Variants in VPS33A observed in about 807,000 individuals in gnomAD.
VPS33A encodes vacuolar protein sorting-associated protein 33A.
Under a neutral mutation model 71.8 loss-of-function variants are expected in VPS33A, and 32 were observed. The observed-to-expected ratio is 0.45, with a 90% CI of 0.34 to 0.60. The LOEUF is 0.60. VPS33A is among the 20% of genes least tolerant of loss of function. The probability of loss-of-function intolerance (pLI) is 0.02; values close to 1 mark genes in which losing one functional copy is unlikely to be tolerated. For missense variants in VPS33A, 625 were observed against 748.5 expected, an observed-to-expected ratio of 0.84 and a Z score of 1.92; for synonymous variants, 311 against 292.7, an observed-to-expected ratio of 1.06 and a Z score of -0.64.
At chr12:122,250,122 ACAAT>A (rs1355528932) in intron 5 of VPS33A, 77 bp from the exon 6 acceptor site, 20 of 1,418,782 alleles carry the variant, frequency 1.4e-5, no homozygotes, top group African/African-American at 2.9e-5. Flanking sequence ...AACCAGAAAG[ACAAT>A]CAAAAAAGTA....
At chr12:122,255,598 G>A (rs918819298) in intron 4 of VPS33A, among the ~76,000 whole-genome samples, 22 of 151,448 alleles carry the variant, frequency 1.5e-4, no homozygotes, top group East Asian at 1.2e-3. Flanking sequence ...CCAACTACTC[G>A]GGAGGCTGAG....
intron 11 of VPS33A, among the ~76,000 whole-genome samples, chr12:122,234,749 G>T (rs987809736): frequency 3.9e-5 from 6 of 152,080 alleles, no homozygotes; most frequent in African/African-American, 1.5e-4. Flanking sequence ...CAAAGCACCA[G>T]AGTGAACTGG....
At chr12:122,256,475 A>G (rs1954920502) in intron 4 of VPS33A, among the ~76,000 whole-genome samples, 1 of 151,968 alleles carries the variant, frequency 6.6e-6, no homozygotes, top group Non-Finnish European at 1.5e-5. Context: ...TCGGATAGCT[A>G]AGACGGGAGA....
chr12:122,230,822 G>C lies in VPS33A; in HGVS notation c.*1424C>G, dbSNP rs952812725. On this transcript the variant is annotated 3_prime_UTR_variant, in exon 13 of 13. Transcript: ENST00000267199. ...GGAGCAGAGGGGCAGAGAACACACG[G>C]ATTTTCAACTTCTCCTCCAACACCC... The C allele has an allele frequency of 6.6e-6, 1 of 152,168 alleles. No homozygotes were observed. Among genetic ancestry groups the C allele is most frequent in the Non-Finnish European group, 1.5e-5 (1 of 68,048 alleles). The allele number at this position is 152,168 out of a possible 1,614,324, so 9.4% of individuals were successfully genotyped here.
At chr12:122,252,191 A>G (rs1473752022) in intron 4 of VPS33A, among the ~76,000 whole-genome samples, 2 of 152,142 alleles carry the variant, frequency 1.3e-5, no homozygotes, top group East Asian at 3.9e-4. Flanking sequence ...CAGGGATTTG[A>G]GGCTGCAATG....
Position 122,263,352 on chromosome 12 carries a change from T to C in VPS33A, c.296+220A>G, listed in dbSNP as rs141997539. Among the ~76,000 whole-genome samples the C allele has an allele frequency of 2.9e-3, 440 of 152,294 alleles. 1 individual carries two copies. Among genetic ancestry groups the C allele is most frequent in the African/African-American group, 0.01 (423 of 41,576 alleles). ...TAACTATAGTCACCCTGTTGTGCTA[T>C]CAAATAGTAGGTCTTATTCTATTTT... On this transcript the variant is annotated intron_variant, in intron 3 of 12. Transcript: ENST00000267199.
chr12:122,257,061 T>A (rs1375852439), intron 4 of VPS33A, among the ~76,000 whole-genome samples: 1 of 151,894 alleles, frequency 6.6e-6, no homozygotes, highest in East Asian at 1.9e-4. Flanking sequence ...GCATATAATA[T>A]CCCCCCACCC....
At chr12:122,265,626 C>T (rs894070752) in intron 1 of VPS33A, 1 of 386,562 alleles carries the variant, frequency 2.6e-6, no homozygotes, top group African/African-American at 2.1e-5. Flanking sequence ...GCTGCTAGCA[C>T]CCACTTTACC....
rs748828865 is a variant in VPS33A, at chr12:122,232,218, T to C, written c.*28A>G. 1.9e-6 allele frequency: 3 copies of C among 1,588,498 alleles called. No individual in the cohort carries two copies. The East Asian group carries it at 6.7e-5, about 36-fold the overall frequency. On this transcript the variant is annotated 3_prime_UTR_variant, in exon 13 of 13. Transcript: ENST00000267199. ...TTCAAAGAGGTAGTTTATTCTGCAG[T>C]ACACTTGTTAAGTCTCCTCTGAACA...
intron 9 of VPS33A, 46 bp from the exon 10 acceptor site, chr12:122,238,770 T>TACACACACACACACACACACACACACAC (rs57522920): frequency 1.2e-6 from 1 of 830,582 alleles, no homozygotes; most frequent in African/African-American, 2.0e-5. Flanking sequence ...TACATATACA[T>TACACACACACACACACACACACACACAC]ACACACACAC....
rs923873464 is a variant in VPS33A at position 122,249,609 on chromosome 12, C to A, written c.775+262G>T. On this transcript the variant is annotated intron_variant, in intron 6 of 12. Coordinates refer to ENST00000267199, the MANE Select transcript of VPS33A (RefSeq NM_022916.6). Reference sequence around the variant, plus strand: ...GAAAATGGAAATCGAAATTCTTATGCAAACCTCACTGATCCTCTTTTTTGG... The same window carrying A: ...GAAAATGGAAATCGAAATTCTTATGAAAACCTCACTGATCCTCTTTTTTGG... 2.1e-4 allele frequency: 61 copies of A among 285,888 alleles called. 1 individual carries two copies. The highest frequency in any genetic ancestry group is 1.2e-3 in the African/African-American group (57 of 46,034). The allele number at this position is 285,888 out of a possible 1,614,324, so 17.7% of individuals were successfully genotyped here.
At chr12:122,232,464 T>C (rs1372586686) in intron 12 of VPS33A, 37 bp from the exon 13 acceptor site, 1 of 1,558,258 alleles carries the variant, frequency 6.4e-7, no homozygotes, top group Non-Finnish European at 8.7e-7. Flanking sequence ...AAACTATTTA[T>C]TATTAATGCT....
intron 11 of VPS33A, 150 bp downstream of exon 11, chr12:122,235,636 G>T (rs1830538670): frequency 9.9e-7 from 1 of 1,007,068 alleles, no homozygotes; most frequent in Non-Finnish European, 1.4e-6. Context: ...GATTCTGATG[G>T]ATACAATACA....
rs547425151 is a variant in VPS33A, at chr12:122,258,261, C to A, written c.483+3000G>T. Among the ~76,000 whole-genome samples, 67 of 152,018 alleles carry A rather than the reference C, an allele frequency of 4.4e-4. 1 individual carries two copies. Among genetic ancestry groups the A allele is most frequent in the African/African-American group, 1.6e-3 (66 of 41,420 alleles). On this transcript the variant is annotated intron_variant, in intron 4 of 12. Transcript: ENST00000267199. ...AAATTATAGAACTCTTAGAAGGAAA[C>A]ATCAGAGTGAATCTTTGTGATCCTG...
intron 7 of VPS33A, among the ~76,000 whole-genome samples, chr12:122,243,719 C>G (rs1026993639): frequency 3.9e-5 from 6 of 152,106 alleles, no homozygotes. Flanking sequence ...TCCAAGCCAG[C>G]CTGGGCAACG....
At chr12:122,250,153 G>C in intron 5 of VPS33A, 108 bp from the exon 6 acceptor site, 1 of 1,200,090 alleles carries the variant, frequency 8.3e-7, no homozygotes, top group Non-Finnish European at 1.1e-6. Flanking sequence ...GAGAAAAACT[G>C]GAAGAGTGCA....
rs1333873915 is a variant in VPS33A, at chr12:122,251,888, T to C, written c.484-789A>G. 4.0e-5 allele frequency among the ~76,000 whole-genome samples: 6 copies of C among 149,982 alleles called. No homozygotes were observed. The South Asian group carries it at 1.1e-3, about 26-fold the overall frequency. On this transcript the variant is annotated intron_variant, in intron 4 of 12. Coordinates refer to ENST00000267199, the MANE Select transcript of VPS33A (RefSeq NM_022916.6). ...TGTATACATATGTAACAAACCTGCA[T>C]GTTGTGCACATGTACCCTAGAACTT...
Position 122,231,791 on chromosome 12 carries a change from T to G in VPS33A, c.*455A>C, listed in dbSNP as rs1954563931. ...CAGATTAGGGGCCAGGCACGGTGGC[T>G]CAGGCCTGTAATCCCAGCACTGTGG... On this transcript the variant is annotated 3_prime_UTR_variant, in exon 13 of 13. Coordinates refer to ENST00000267199, the MANE Select transcript of VPS33A (RefSeq NM_022916.6). 1 of 265,382 alleles carries G rather than the reference T, an allele frequency of 3.8e-6. No individual in the cohort carries two copies. The highest frequency in any genetic ancestry group is 6.4e-5 in the East Asian group (1 of 15,716). 16.4% of individuals were successfully genotyped at this position (265,382 alleles called of 1,614,324 possible). A position where few individuals can be genotyped will look rare whatever the true frequency, so the allele number is the denominator to read the frequency against.
chr12:122,232,061 GAAA>G lies in VPS33A; in HGVS notation c.*182_*184del. 2.1e-6 allele frequency: 1 copy of G among 466,542 alleles called. No individual in the cohort carries two copies. Among genetic ancestry groups the G allele is most frequent in the South Asian group, 3.9e-5 (1 of 25,332 alleles). The allele number at this position is 466,542 out of a possible 1,614,324, so 28.9% of individuals were successfully genotyped here. A position where few individuals can be genotyped will look rare whatever the true frequency, so the allele number is the denominator to read the frequency against. On this transcript the variant is annotated 3_prime_UTR_variant, in exon 13 of 13. Transcript: ENST00000267199. Reference sequence around the variant, plus strand: ...GACAGAGCAAGACTCCGTCTCAAAGGAAAAAAAAAAAGGGAATACAAAAGAGAC... The same window carrying G: ...GACAGAGCAAGACTCCGTCTCAAAGGAAAAAAAAGGGAATACAAAAGAGAC...
Sources: gnomAD v4.1 joint callset for allele counts (sites outside exome capture counted in the v4.1 genomes callset) on GRCh38, gnomAD v4.1.1 for gene constraint, MANE v1.5 for transcripts, NCBI Gene and HGNC (gene_info 2026-07-23, HGNC 2026-07-21) for gene names.